Variants in CNOT7 observed in about 807,000 individuals in gnomAD.
CNOT7 encodes the protein CCR4-NOT transcription complex subunit 7.
CNOT7 carries 4 observed loss-of-function variants against 37.1 expected under a neutral mutation model. The observed-to-expected ratio is 0.11, with a 90% CI of 0.05 to 0.25. CNOT7 has a LOEUF of 0.25. Ranked by LOEUF, CNOT7 falls within the 10% of genes least tolerant of loss-of-function variation. The pLI is 1.00. For synonymous variants in CNOT7, 128 were observed against 115.6 expected, an observed-to-expected ratio of 1.11 and a Z score of -0.69; for missense variants, 170 against 336.2, an observed-to-expected ratio of 0.51 and a Z score of 3.87.
intron 5 of CNOT7, among the ~76,000 whole-genome samples, chr8:17,234,188 C>G (rs567823079): frequency 6.6e-6 from 1 of 152,300 alleles, no homozygotes; most frequent in South Asian, 2.1e-4. Context: ...CTTTTGGCCA[C>G]AGAAAAATCT....
At position 17,237,205 on chromosome 8, in the gene CNOT7, G is replaced by A. The variant is rs756750214; in HGVS notation, c.473+7C>T. ...AACAAATGCCATTTTCAATGTAGTCGTTTTACCTATGAAATGACAACCATT... is the reference window on the plus strand; with the variant it reads ...AACAAATGCCATTTTCAATGTAGTCATTTTACCTATGAAATGACAACCATT... On this transcript the variant is annotated splice_region_variant and intron_variant, in intron 4 of 6. Coordinates refer to ENST00000361272, the MANE Select transcript of CNOT7 (RefSeq NM_013354.7). 5.1e-5 allele frequency: 82 copies of A among 1,612,910 alleles called. No individual in the cohort carries two copies. The highest frequency in any genetic ancestry group is 1.3e-4 in the East Asian group (6 of 44,872).
chr8:17,230,827 C>T lies in CNOT7; in HGVS notation c.751G>A (p.Asp251Asn). Residue 251 changes from aspartate (D) to asparagine (N), a missense_variant, in exon 7 of 7, where the codon GAT becomes AAT. Transcript: ENST00000361272. ...MREMFFEDHI[D>N]DAKYCGHLYG... ...AAATGACCACAATATTTGGCATCAT[C>T]AATATGATCTTCAAAGAACATCTAA... 6.3e-7 allele frequency: 1 copy of T among 1,596,350 alleles called. No homozygotes were observed. Among genetic ancestry groups the T allele is most frequent in the African/African-American group, 1.4e-5 (1 of 73,896 alleles).
chr8:17,243,569 C>G, intron 2 of CNOT7: 1 of 462,160 alleles, frequency 2.2e-6, no homozygotes, highest in Non-Finnish European at 4.3e-6. Flanking sequence ...GGGGAAAACG[C>G]CCTGTACTTT....
chr8:17,237,083 G>A (rs1317541094), intron 4 of CNOT7, 129 bp downstream of exon 4: 4 of 843,188 alleles, frequency 4.7e-6, no homozygotes, highest in Non-Finnish European at 7.5e-6. Context: ...TAAGAGTTAG[G>A]AGACAACTCT....
intron 6 of CNOT7, among the ~76,000 whole-genome samples, chr8:17,231,289 TCA>T (rs1160106085): frequency 1.3e-5 from 2 of 152,058 alleles, no homozygotes; most frequent in African/African-American, 4.8e-5. Flanking sequence ...ATCCAAACAT[TCA>T]CACTCTATTA....
At chr8:17,244,875 T>C (rs1585854533) in intron 2 of CNOT7, 161 bp downstream of exon 2, 1 of 612,692 alleles carries the variant, frequency 1.6e-6, no homozygotes, top group Non-Finnish European at 2.9e-6. Flanking sequence ...AAATCACAGG[T>C]GTATTCCTGA....
rs755970782 is a variant in CNOT7 at position 17,226,142 on chromosome 8, C to T, written c.*4578G>A. On this transcript the variant is annotated 3_prime_UTR_variant, in exon 7 of 7. Transcript: ENST00000361272. Reference sequence around the variant, plus strand: ...TTAGGTACTCAAGGAAACTTTTCACCAAATTTTTATTCTAAAAATTGAAAA... The same window carrying T: ...TTAGGTACTCAAGGAAACTTTTCACTAAATTTTTATTCTAAAAATTGAAAA... 2.2e-5 allele frequency: 3 copies of T among 138,958 alleles called. No homozygotes were observed. Among genetic ancestry groups the T allele is most frequent in the Admixed American group, 8.0e-5 (1 of 12,526 alleles). The allele number at this position is 138,958 out of a possible 1,614,324, so 8.6% of individuals were successfully genotyped here. A position where few individuals can be genotyped will look rare whatever the true frequency, so the allele number is the denominator to read the frequency against.
intron 3 of CNOT7, chr8:17,237,598 T>A (rs1809550933): frequency 2.2e-6 from 1 of 463,788 alleles, no homozygotes; most frequent in African/African-American, 1.9e-5. Context: ...AGTCCAAAGG[T>A]GCAATTTTAA....
At chr8:17,237,526 T>G (rs954939872) in intron 3 of CNOT7, 153 bp from the exon 4 acceptor site, 14 of 607,418 alleles carry the variant, frequency 2.3e-5, no homozygotes, top group African/African-American at 2.2e-4. Context: ...GCAAGAAAAA[T>G]GCAATTTAAA....
Position 17,234,594 on chromosome 8 carries a change from A to G in CNOT7, c.618+122T>C, listed in dbSNP as rs985831346. On this transcript the variant is annotated intron_variant, in intron 5 of 6. Coordinates refer to ENST00000361272, the MANE Select transcript of CNOT7 (RefSeq NM_013354.7). ...AAAAAAAATCACATGACCAGATAATATAATTGCATTCACTGTAATACTTTA... is the reference window on the plus strand; with the variant it reads ...AAAAAAAATCACATGACCAGATAATGTAATTGCATTCACTGTAATACTTTA... The G allele has an allele frequency of 1.8e-5, 18 of 1,019,232 alleles. No homozygotes were observed. In the African/African-American group the frequency reaches 2.6e-4, roughly 15 times the overall value. 63.1% of individuals were successfully genotyped at this position (1,019,232 alleles called of 1,614,324 possible). A position where few individuals can be genotyped will look rare whatever the true frequency, so the allele number is the denominator to read the frequency against.
rs2150963147 is a variant in CNOT7 at position 17,228,524 on chromosome 8, A to T, written c.*2196T>A. 1 of 152,088 alleles carries T rather than the reference A, an allele frequency of 6.6e-6. No homozygotes were observed. The highest frequency in any genetic ancestry group is 1.9e-4 in the East Asian group (1 of 5,178). The allele number at this position is 152,088 out of a possible 1,614,324, so 9.4% of individuals were successfully genotyped here. A position where few individuals can be genotyped will look rare whatever the true frequency, so the allele number is the denominator to read the frequency against. On this transcript the variant is annotated 3_prime_UTR_variant, in exon 7 of 7. Coordinates refer to ENST00000361272, the MANE Select transcript of CNOT7 (RefSeq NM_013354.7). ...CCAATTTACGATGGTTCAAGTTATA[A>T]ATTTTGACTTTGCAATGGTGCAAAA...
intron 3 of CNOT7, among the ~76,000 whole-genome samples, chr8:17,238,255 G>A (rs1809649163): frequency 6.6e-6 from 1 of 152,158 alleles, no homozygotes; most frequent in Admixed American, 6.5e-5. Flanking sequence ...TAAGAATACT[G>A]GTTTCTACCT....
Position 17,230,604 on chromosome 8 carries a change from G to C in CNOT7, c.*116C>G. The C allele has an allele frequency of 1.4e-6, 1 of 726,642 alleles. No homozygotes were observed. The highest frequency in any genetic ancestry group is 2.9e-5 in the East Asian group (1 of 34,098). 45.0% of individuals were successfully genotyped at this position (726,642 alleles called of 1,614,324 possible). On this transcript the variant is annotated 3_prime_UTR_variant, in exon 7 of 7. Transcript: ENST00000361272. Reference sequence around the variant, plus strand: ...AGTACTGAAAGGCAGACAATAAAATGGGCCATGAAAGGGGGGGGAAAGGTA... The same window carrying C: ...AGTACTGAAAGGCAGACAATAAAATCGGCCATGAAAGGGGGGGGAAAGGTA...
chr8:17,239,780 A>T (rs1479616365), intron 3 of CNOT7, among the ~76,000 whole-genome samples: 2 of 152,252 alleles, frequency 1.3e-5, no homozygotes, highest in East Asian at 3.8e-4. Context: ...GGCGTGAGCC[A>T]CCACGCCCAG....
In CNOT7 at chr8:17,237,162, GC is replaced by G. The variant is rs749667915; in HGVS notation, c.473+49del. ...ACATAGTGACCCAAGTAAGTGTGGA[GC>G]AAGTATGAGATGGAAAAACAAATGC... is the stretch of plus-strand genomic sequence containing the variant. On this transcript the variant is annotated intron_variant, in intron 4 of 6. Coordinates refer to ENST00000361272, the MANE Select transcript of CNOT7 (RefSeq NM_013354.7). The G allele has an allele frequency of 6.4e-6, 10 of 1,570,944 alleles. No individual in the cohort carries two copies. In the Admixed American group the frequency reaches 1.0e-4, roughly 16 times the overall value.
In CNOT7 at chr8:17,237,370, C is replaced by T. The variant is rs749889611; in HGVS notation, c.315G>A (p.Glu105=). The T allele has an allele frequency of 1.9e-6, 3 of 1,613,188 alleles. No individual in the cohort carries two copies. The highest frequency in any genetic ancestry group is 2.2e-5 in the East Asian group (1 of 44,842). Residue 105 remains glutamate, a synonymous_variant, in exon 4 of 7, where the codon GAG becomes GAA. Coordinates refer to ENST00000361272, the MANE Select transcript of CNOT7 (RefSeq NM_013354.7). ...CTATAGAGTCCTGGGCATACATGTC[C>T]TCCCTGGCAGAAGAAAGAGAAAGAC... ...WQFNFKFNLT[E]DMYAQDSIEL...
Position 17,227,500 on chromosome 8 carries a change from T to G in CNOT7, c.*3220A>C, listed in dbSNP as rs1808239791. ...TTTCTCTGGACACATGTCTTTGGGT[T>G]GGTTACTATCTTCAAGCACGATGTA... On this transcript the variant is annotated 3_prime_UTR_variant, in exon 7 of 7. Transcript: ENST00000361272. 1 of 151,920 alleles carries G rather than the reference T, an allele frequency of 6.6e-6. No homozygotes were observed. The highest frequency in any genetic ancestry group is 1.5e-5 in the Non-Finnish European group (1 of 67,808). 9.4% of individuals were successfully genotyped at this position (151,920 alleles called of 1,614,324 possible).
rs1197614683 is a variant in CNOT7 at position 17,228,919 on chromosome 8, T to C, written c.*1801A>G. On this transcript the variant is annotated 3_prime_UTR_variant, in exon 7 of 7. Coordinates refer to ENST00000361272, the MANE Select transcript of CNOT7 (RefSeq NM_013354.7). ...CCAGTTAGAAACTTACTACATTGTG[T>C]TAGATTTTTTAAAAAGCCACAGTTA... 1 of 151,984 alleles carries C rather than the reference T, an allele frequency of 6.6e-6. No homozygotes were observed. Among genetic ancestry groups the C allele is most frequent in the East Asian group, 1.9e-4 (1 of 5,196 alleles). 9.4% of individuals were successfully genotyped at this position (151,984 alleles called of 1,614,324 possible).
intron 5 of CNOT7, among the ~76,000 whole-genome samples, chr8:17,233,325 A>G (rs1808882536): frequency 6.6e-6 from 1 of 152,220 alleles, no homozygotes; most frequent in Non-Finnish European, 1.5e-5. Flanking sequence ...AGCTTGAAAC[A>G]AGGCTTTGCA....
Sources: allele counts gnomAD v4.1 joint callset (sites outside exome capture counted in the v4.1 genomes callset), GRCh38; gene constraint gnomAD v4.1.1; transcripts MANE v1.5; gene names NCBI Gene and HGNC (gene_info 2026-07-23, HGNC 2026-07-21).